Variants in KIRREL3 observed in about 807,000 individuals in gnomAD.
KIRREL3 encodes the protein kin of IRRE-like protein 3.
Under a neutral mutation model 89.7 loss-of-function variants are expected in KIRREL3, and 36 were observed. That is an observed-to-expected ratio of 0.40 (90% CI 0.31 to 0.53). KIRREL3 has a LOEUF of 0.53. Ranked by LOEUF, KIRREL3 falls within the 20% of genes least tolerant of loss-of-function variation. The pLI, the probability that KIRREL3 is intolerant of heterozygous loss-of-function variation, is 0.49. For missense variants in KIRREL3, 864 were observed against 1,056.6 expected (o/e 0.82, Z 2.53); for synonymous variants, 445 against 441.4 (o/e 1.01, Z -0.10).
chr11:126,739,105 A>C lies in KIRREL3; in HGVS notation c.56-176193T>G, dbSNP rs1319442154. ...GACCAAGTAACTTGCTCAAGGCCAC[A>C]CAGCTAGAAATTAGCAGGATGGAAA... On this transcript the variant is annotated intron_variant, in intron 1 of 16. Coordinates refer to ENST00000525144, the MANE Select transcript of KIRREL3 (RefSeq NM_032531.4). This position sits in a 1 kb window ranked among gnomAD's most constrained non-coding sequence, Gnocchi z 5.5. Among the ~76,000 whole-genome samples the C allele has an allele frequency of 6.6e-6, 1 of 152,248 alleles. No individual in the cohort carries two copies. Among genetic ancestry groups the C allele is most frequent in the Non-Finnish European group, 1.5e-5 (1 of 68,042 alleles).
chr11:126,436,275 T>C (rs1955332260), intron 12 of KIRREL3, among the ~76,000 whole-genome samples: 1 of 152,226 alleles, frequency 6.6e-6, no homozygotes, highest in Non-Finnish European at 1.5e-5. Context: ...CCTAGGGATC[T>C]GGACAAGCAA....
In KIRREL3 at chr11:126,896,708, AG is replaced by A. The variant is rs1222533519; in HGVS notation, c.55+103746del. Among the ~76,000 whole-genome samples the A allele has an allele frequency of 2.0e-5, 3 of 152,008 alleles. No homozygotes were observed. Among genetic ancestry groups the A allele is most frequent in the African/African-American group, 4.8e-5 (2 of 41,378 alleles). ...GTTGCTCTTCTCAGACACCCAGGGG[AG>A]GGGTTCCATGGCCACAGCAAGCTCT... On this transcript the variant is annotated intron_variant, in intron 1 of 16. Transcript: ENST00000525144. This position sits in a 1 kb window ranked among gnomAD's most constrained non-coding sequence, Gnocchi z 4.1.
rs1565498760 is a variant in KIRREL3 at position 126,495,403 on chromosome 11, G to T, written c.434-21937C>A. Among the ~76,000 whole-genome samples, 1 of 151,992 alleles carries T rather than the reference G, an allele frequency of 6.6e-6. No homozygotes were observed. The highest frequency in any genetic ancestry group is 1.5e-5 in the Non-Finnish European group (1 of 68,006). On this transcript the variant is annotated intron_variant, in intron 4 of 16. Transcript: ENST00000525144. This position sits in a 1 kb window ranked among gnomAD's most constrained non-coding sequence, Gnocchi z 6.5. ...ACCTCCAGCACCCTCTGACCTCCCTGCCTGACCCCAGGTGGTTCTGCTTTC... is the reference window on the plus strand; with the variant it reads ...ACCTCCAGCACCCTCTGACCTCCCTTCCTGACCCCAGGTGGTTCTGCTTTC...
At chr11:126,675,100 C>T (rs372050896) in intron 1 of KIRREL3, among the ~76,000 whole-genome samples, 1 of 152,294 alleles carries the variant, frequency 6.6e-6, no homozygotes, top group Non-Finnish European at 1.5e-5. Flanking sequence ...AGGGCCTCTT[C>T]GATGCTGGGG....
intron 7 of KIRREL3, among the ~76,000 whole-genome samples, chr11:126,453,253 C>A (rs1335820806): frequency 6.6e-6 from 1 of 152,126 alleles, no homozygotes; most frequent in Non-Finnish European, 1.5e-5. Flanking sequence ...GGTTTCATCT[C>A]GTGTGGGGGG....
chr11:126,672,075 C>G (rs902206087), intron 1 of KIRREL3, among the ~76,000 whole-genome samples: 1 of 152,174 alleles, frequency 6.6e-6, no homozygotes, highest in African/African-American at 2.4e-5. Context: ...TTTAAATACA[C>G]AATTAAGCTA....
chr11:126,567,664 G>A (rs533765906), intron 1 of KIRREL3, among the ~76,000 whole-genome samples: 18 of 152,326 alleles, frequency 1.2e-4, no homozygotes, highest in Non-Finnish European at 2.6e-4. Context: ...TGGGAGTGGC[G>A]GCCACAAGTG....
intron 1 of KIRREL3, among the ~76,000 whole-genome samples, chr11:126,810,710 C>T (rs774574198): frequency 2.6e-4 from 39 of 152,220 alleles, no homozygotes; most frequent in African/African-American, 7.5e-4. Flanking sequence ...CAAGGAAAGG[C>T]GCAGAAATGG....
In KIRREL3 at chr11:126,601,301, T is replaced by C. The variant is rs1307571133; in HGVS notation, c.56-38389A>G. On this transcript the variant is annotated intron_variant, in intron 1 of 16. Coordinates refer to ENST00000525144, the MANE Select transcript of KIRREL3 (RefSeq NM_032531.4). The surrounding 1 kb of genome is among the most constrained non-coding windows in gnomAD (Gnocchi z 5.8). Reference sequence around the variant, plus strand: ...ATCAGAAAACAACTGGCAGAGAGACTGAGCGGCAGCCGTGGGCATCTTGGG... The same window carrying C: ...ATCAGAAAACAACTGGCAGAGAGACCGAGCGGCAGCCGTGGGCATCTTGGG... Among the ~76,000 whole-genome samples the C allele has an allele frequency of 1.3e-5, 2 of 152,220 alleles. No individual in the cohort carries two copies.
In KIRREL3 at chr11:126,776,335, A is replaced by G. The variant is rs1473439861; in HGVS notation, c.56-213423T>C. On this transcript the variant is annotated intron_variant, in intron 1 of 16. Transcript: ENST00000525144. The surrounding 1 kb of genome is among the most constrained non-coding windows in gnomAD (Gnocchi z 4.7). ...GTGCCATGGAGGGAACACTAGCCTG[A>G]GAGTCAAAACACCTGGGCTTCAGGT... Among the ~76,000 whole-genome samples the G allele has an allele frequency of 6.6e-6, 1 of 152,206 alleles. No individual in the cohort carries two copies. Among genetic ancestry groups the G allele is most frequent in the Non-Finnish European group, 1.5e-5 (1 of 68,036 alleles).
rs1946474773 is a variant in KIRREL3, at chr11:126,903,999, A to T, written c.55+96456T>A. 6.6e-6 allele frequency among the ~76,000 whole-genome samples: 1 copy of T among 152,130 alleles called. No homozygotes were observed. Among genetic ancestry groups the T allele is most frequent in the Non-Finnish European group, 1.5e-5 (1 of 68,006 alleles). On this transcript the variant is annotated intron_variant, in intron 1 of 16. Transcript: ENST00000525144. The surrounding 1 kb of genome is among the most constrained non-coding windows in gnomAD (Gnocchi z 4.5). ...CCTATAATAGCTATCCCCTTGGTAG[A>T]TAGCACATCTCAACTCTGGCCTGGA...
rs1258740858 is a variant in KIRREL3 at position 126,441,830 on chromosome 11, A to G, written c.1253-1281T>C. Among the ~76,000 whole-genome samples, 1 of 152,158 alleles carries G rather than the reference A, an allele frequency of 6.6e-6. No homozygotes were observed. Among genetic ancestry groups the G allele is most frequent in the Non-Finnish European group, 1.5e-5 (1 of 68,012 alleles). On this transcript the variant is annotated intron_variant, in intron 10 of 16. Coordinates refer to ENST00000525144, the MANE Select transcript of KIRREL3 (RefSeq NM_032531.4). The surrounding 1 kb of genome is among the most constrained non-coding windows in gnomAD (Gnocchi z 5.0). Reference sequence around the variant, plus strand: ...GTGAGGTGGGCGTGGGGGACCCTCCATGGCTTTAAGAATGGGCTGAGCGCT... The same window carrying G: ...GTGAGGTGGGCGTGGGGGACCCTCCGTGGCTTTAAGAATGGGCTGAGCGCT...
At chr11:126,855,333 C>T (rs189591566) in intron 1 of KIRREL3, among the ~76,000 whole-genome samples, 3 of 152,298 alleles carry the variant, frequency 2.0e-5, no homozygotes, top group African/African-American at 7.2e-5. Context: ...ATGCCGGCTC[C>T]TGCGCCTTCT....
rs1240669039 is a variant in KIRREL3 at position 126,561,884 on chromosome 11, G to A, written c.133+951C>T. 1.3e-5 allele frequency among the ~76,000 whole-genome samples: 2 copies of A among 152,146 alleles called. No homozygotes were observed. The highest frequency in any genetic ancestry group is 2.9e-5 in the Non-Finnish European group (2 of 68,016). On this transcript the variant is annotated intron_variant, in intron 2 of 16. Transcript: ENST00000525144. This position sits in a 1 kb window ranked among gnomAD's most constrained non-coding sequence, Gnocchi z 4.5. Reference sequence around the variant, plus strand: ...GGTTGGGAGGAGAGACAGCTGAGGAGCTTGGAAAGAGGGCACTGAGACCAT... The same window carrying A: ...GGTTGGGAGGAGAGACAGCTGAGGAACTTGGAAAGAGGGCACTGAGACCAT...
Position 126,530,236 on chromosome 11 carries a change from C to T in KIRREL3, c.134-3549G>A, listed in dbSNP as rs368104167. ...AGCAGCTGGGATTACAGGTATGCAC[C>T]AGCATGTCCGGCTGATTTTCATATT... On this transcript the variant is annotated intron_variant, in intron 2 of 16. Coordinates refer to ENST00000525144, the MANE Select transcript of KIRREL3 (RefSeq NM_032531.4). The surrounding 1 kb of genome is among the most constrained non-coding windows in gnomAD (Gnocchi z 5.8). Among the ~76,000 whole-genome samples the T allele has an allele frequency of 1.3e-5, 2 of 152,082 alleles. No homozygotes were observed. The highest frequency in any genetic ancestry group is 4.8e-5 in the African/African-American group (2 of 41,410).
rs890246816 is a variant in KIRREL3 at position 126,788,998 on chromosome 11, G to A, written c.55+211457C>T. Among the ~76,000 whole-genome samples, 8 of 152,124 alleles carry A rather than the reference G, an allele frequency of 5.3e-5. No homozygotes were observed. Among genetic ancestry groups the A allele is most frequent in the African/African-American group, 9.7e-5 (4 of 41,428 alleles). On this transcript the variant is annotated intron_variant, in intron 1 of 16. Transcript: ENST00000525144. This position sits in a 1 kb window ranked among gnomAD's most constrained non-coding sequence, Gnocchi z 4.1. The stretch of plus-strand genomic sequence containing the variant: ...TTTCTTTGACCCAACGGTGGGCTGG[G>A]TTGTGCCCTTCCTTCCTGCTCCCAT...
rs1325878245 is a variant in KIRREL3, at chr11:126,441,973, T to C, written c.1253-1424A>G. On this transcript the variant is annotated intron_variant, in intron 10 of 16. Coordinates refer to ENST00000525144, the MANE Select transcript of KIRREL3 (RefSeq NM_032531.4). The surrounding 1 kb of genome is among the most constrained non-coding windows in gnomAD (Gnocchi z 5.0). ...TTATTGCTGGACTAAAACGTGATGA[T>C]AATATAAAACCTTTTCTGGTCAGGT... Among the ~76,000 whole-genome samples the C allele has an allele frequency of 6.6e-6, 1 of 152,070 alleles. No homozygotes were observed. Among genetic ancestry groups the C allele is most frequent in the African/African-American group, 2.4e-5 (1 of 41,416 alleles).
At chr11:126,881,666 G>A (rs1245584435) in intron 1 of KIRREL3, among the ~76,000 whole-genome samples, 3 of 152,144 alleles carry the variant, frequency 2.0e-5, no homozygotes, top group Non-Finnish European at 4.4e-5. Flanking sequence ...TCAGGCCTCA[G>A]CATTCTGAGT....
chr11:126,756,163 C>A (rs1261225136), intron 1 of KIRREL3, among the ~76,000 whole-genome samples: 2 of 152,132 alleles, frequency 1.3e-5, no homozygotes, highest in East Asian at 3.9e-4. Flanking sequence ...TGAAGCCAGA[C>A]ATAATTAAGT....
Sources: allele counts gnomAD v4.1 joint callset (sites outside exome capture counted in the v4.1 genomes callset), GRCh38; gene constraint gnomAD v4.1.1; non-coding constraint Gnocchi (gnomAD v3.1); transcripts MANE v1.5; gene names NCBI Gene and HGNC (gene_info 2026-07-23, HGNC 2026-07-21).